Variants in PCDHA4 observed in about 807,000 individuals in gnomAD.
PCDHA4 encodes protocadherin alpha-4.
PCDHA4 carries 49 observed loss-of-function variants against 61.4 expected under a neutral mutation model. That is an observed-to-expected ratio of 0.80 (90% CI 0.63 to 1.01). The LOEUF (loss-of-function observed/expected upper bound fraction) is 1.01. PCDHA4 is among the 50% of genes least tolerant of loss of function. The probability of loss-of-function intolerance (pLI) is 0.00; values close to 1 mark genes in which losing one functional copy is unlikely to be tolerated. For synonymous variants in PCDHA4, 590 were observed against 550.3 expected (o/e 1.07, Z -1.01); for missense variants, 1,254 against 1,235.8 (o/e 1.01, Z -0.22).
intron 1 of PCDHA4, chr5:140,851,271 T>C: frequency 1.9e-6 from 2 of 1,067,438 alleles, no homozygotes; most frequent in South Asian, 8.1e-5. Flanking sequence ...TCTACTTGTA[T>C]TGTTTATAAG....
chr5:140,968,099 G>A, intron 1 of PCDHA4: 3 of 1,614,100 alleles, frequency 1.9e-6, no homozygotes, highest in South Asian at 1.1e-5. Flanking sequence ...CACAGATGGG[G>A]GAATACCGCA....
chr5:140,874,132 A>T (rs181983769), intron 1 of PCDHA4, among the ~76,000 whole-genome samples: 8 of 152,358 alleles, frequency 5.3e-5, no homozygotes, highest in Non-Finnish European at 1.2e-4. Flanking sequence ...TATTTAAGTT[A>T]TCTTATACTT....
intron 1 of PCDHA4, chr5:140,824,731 A>G (rs1299399063): frequency 6.7e-6 from 1 of 149,944 alleles, no homozygotes; most frequent in African/African-American, 2.5e-5. Context: ...AAGTACTAAG[A>G]TTACAGGATT....
chr5:140,884,158 G>A (rs376345503), intron 1 of PCDHA4: 8 of 1,613,488 alleles, frequency 5.0e-6, no homozygotes, highest in African/African-American at 1.3e-5. Context: ...ACACTGGCGA[G>A]ATCAGCACGA....
chr5:140,821,827 C>T (rs1458334239), intron 1 of PCDHA4: 7 of 1,614,136 alleles, frequency 4.3e-6, no homozygotes, highest in Non-Finnish European at 5.9e-6. Flanking sequence ...GCTGCTCTGG[C>T]TTCTCCTTGC....
At chr5:140,840,108 A>T (rs2150169191) in intron 1 of PCDHA4, among the ~76,000 whole-genome samples, 1 of 152,186 alleles carries the variant, frequency 6.6e-6, no homozygotes, top group Admixed American at 6.5e-5. Flanking sequence ...AGTGAAATCG[A>T]GTGAAAGCTG....
intron 1 of PCDHA4, chr5:140,883,247 A>C: frequency 6.2e-7 from 1 of 1,614,084 alleles, no homozygotes; most frequent in Non-Finnish European, 8.5e-7. Context: ...TGACAAAGGA[A>C]ATATTCCAAT....
intron 1 of PCDHA4, among the ~76,000 whole-genome samples, chr5:140,934,702 C>T (rs538683438): frequency 1.3e-5 from 2 of 152,158 alleles, no homozygotes; most frequent in South Asian, 4.2e-4. Context: ...GATTCCTGGC[C>T]ATCTTACAAA....
chr5:140,922,652 T>C (rs371970165), intron 1 of PCDHA4, among the ~76,000 whole-genome samples: 4 of 152,156 alleles, frequency 2.6e-5, no homozygotes, highest in African/African-American at 9.7e-5. Context: ...ACAGTAAATA[T>C]GGCTATACTG....
chr5:140,820,407 A>C (rs1766747622), intron 1 of PCDHA4, among the ~76,000 whole-genome samples: 1 of 152,024 alleles, frequency 6.6e-6, no homozygotes, highest in Non-Finnish European at 1.5e-5. Context: ...CTATATTTTA[A>C]ATGTAAAAGT....
In PCDHA4 at chr5:140,809,279, G is replaced by T; in HGVS notation, c.2092G>T (p.Val698Leu). The change falls in exon 1 of 4, where the codon GTA (valine) becomes TTA (leucine). Residue 698 changes from valine (V) to leucine (L), a missense_variant. Transcript: ENST00000530339. ...CGATGCTGCGCTGGTGGATGTCAACGTATACCTGATCATTGCCATCTGCGC... is the reference window on the plus strand; with the variant it reads ...CGATGCTGCGCTGGTGGATGTCAACTTATACCTGATCATTGCCATCTGCGC... ...GPDAALVDVN[V>L]YLIIAICAVS... The T allele has an allele frequency of 6.2e-7, 1 of 1,614,106 alleles. No homozygotes were observed. The highest frequency in any genetic ancestry group is 8.5e-7 in the Non-Finnish European group (1 of 1,179,950).
At chr5:140,970,758 A>T (rs1217450283) in intron 1 of PCDHA4, among the ~76,000 whole-genome samples, 2 of 152,232 alleles carry the variant, frequency 1.3e-5, no homozygotes, top group East Asian at 3.8e-4. Flanking sequence ...ATTTTCATTG[A>T]CATATTGCTG....
intron 1 of PCDHA4, chr5:140,882,617 T>TA: frequency 6.2e-7 from 1 of 1,614,218 alleles, no homozygotes; most frequent in Non-Finnish European, 8.5e-7. Context: ...TCTGCAGGTT[T>TA]TCCATGTGGA....
chr5:140,876,774 G>A lies in PCDHA4; in HGVS notation c.2385+67202G>A, dbSNP rs370558767. 5.3e-5 allele frequency: 85 copies of A among 1,614,110 alleles called. No homozygotes were observed. The South Asian group carries it at 8.5e-4, about 16-fold the overall frequency. ...CTGCGCGGGATGGGGGCTCGCCTTC[G>A]CTGTGGGCCACGGCTAGAGTGTCCG... is the stretch of plus-strand genomic sequence containing the variant. On this transcript the variant is annotated intron_variant, in intron 1 of 3. Coordinates refer to ENST00000530339, the MANE Select transcript of PCDHA4 (RefSeq NM_018907.4).
At position 140,870,592 on chromosome 5, in the gene PCDHA4, C is replaced by T. The variant is rs202164332; in HGVS notation, c.2385+61020C>T. The T allele has an allele frequency of 8.8e-4, 1,421 of 1,613,554 alleles. 8 individuals carry two copies. The African/African-American group carries it at 0.017, about 19-fold the overall frequency. On this transcript the variant is annotated intron_variant, in intron 1 of 3. Coordinates refer to ENST00000530339, the MANE Select transcript of PCDHA4 (RefSeq NM_018907.4). ...GGTGTCCTACTCGCTGGTGGAGCGGCGGTTGGGCGACCGCGCGCTGTCGAG... is the reference window on the plus strand; with the variant it reads ...GGTGTCCTACTCGCTGGTGGAGCGGTGGTTGGGCGACCGCGCGCTGTCGAG...
intron 1 of PCDHA4, chr5:140,821,989 G>C (rs2150112697): frequency 1.2e-6 from 2 of 1,614,206 alleles, no homozygotes; most frequent in South Asian, 1.1e-5. Context: ...GGGCCGCGGG[G>C]ACCTTCTGGA....
At chr5:140,868,018 A>C (rs987390119) in intron 1 of PCDHA4, 14 of 152,136 alleles carry the variant, frequency 9.2e-5, no homozygotes, top group African/African-American at 3.1e-4. Context: ...GATTAAGGAA[A>C]CCAATGTTGG....
chr5:140,857,164 C>A (rs782269515), intron 1 of PCDHA4: 3 of 1,598,230 alleles, frequency 1.9e-6, no homozygotes, highest in South Asian at 1.1e-5. Context: ...CCCTAATCAG[C>A]GTTTCTGACC....
At chr5:140,836,414 G>A in intron 1 of PCDHA4, 3 of 1,613,824 alleles carry the variant, frequency 1.9e-6, no homozygotes, top group Non-Finnish European at 1.7e-6. Context: ...AGGCACCAAA[G>A]GCGTCGTCGC....
Sources: allele counts gnomAD v4.1 joint callset (sites outside exome capture counted in the v4.1 genomes callset), GRCh38; gene constraint gnomAD v4.1.1; transcripts MANE v1.5; gene names NCBI Gene and HGNC (gene_info 2026-07-23, HGNC 2026-07-21).